KMT2C: variants seen among roughly 807,000 people sequenced by gnomAD.
The protein encoded by KMT2C is histone-lysine N-methyltransferase 2C.
KMT2C carries 88 observed loss-of-function variants against 507.9 expected under a neutral mutation model. The ratio of observed to expected loss-of-function variants is 0.17; its 90% CI spans 0.15 to 0.21. KMT2C has a LOEUF of 0.21. Ranked by LOEUF, KMT2C falls within the 10% of genes least tolerant of loss-of-function variation. KMT2C has a pLI of 1.00. For missense variants in KMT2C, 4,954 were observed against 5,957.8 expected, an observed-to-expected ratio of 0.83 and a Z score of 5.55; for synonymous variants, 2,049 against 2,080.8, an observed-to-expected ratio of 0.98 and a Z score of 0.42.
intron 15 of KMT2C, among the ~76,000 whole-genome samples, chr7:152,236,503 G>A (rs972739871): frequency 1.3e-5 from 2 of 152,110 alleles, no homozygotes; most frequent in African/African-American, 4.8e-5. Context: ...TGGCTGCAGC[G>A]TCCCGGGGTT....
chr7:152,355,925 C>T (rs191505566), intron 2 of KMT2C, among the ~76,000 whole-genome samples: 2 of 152,116 alleles, frequency 1.3e-5, no homozygotes, highest in East Asian at 1.9e-4. Flanking sequence ...TTCTGCAGCA[C>T]CCCCCTTATG....
Position 152,350,027 on chromosome 7 carries a change from G to A in KMT2C, c.250+8560C>T, listed in dbSNP as rs113014775. 9.9e-3 allele frequency among the ~76,000 whole-genome samples: 1,505 copies of A among 152,164 alleles called. 29 individuals carry two copies. Among genetic ancestry groups the A allele is most frequent in the African/African-American group, 0.034 (1,402 of 41,486 alleles). On this transcript the variant is annotated intron_variant, in intron 2 of 58. Transcript: ENST00000262189. ...AACACTTTGGGAAGCTGAGGTGGGC[G>A]GATCACCTGAGGTCAGGAGTTCAAG...
rs1587999549 is a variant in KMT2C at position 152,181,583 on chromosome 7, G to A, written c.6277C>T (p.Pro2093Ser). ...GGGGTAAGGGGAGGCTGACTATATG[G>A]ATCATTTGACTGATTATGAGAAAAA... Reference protein sequence around the residue: ...DNFSHNQSNDPYSQPPLTPHP... With the variant: ...DNFSHNQSNDSYSQPPLTPHP... The change falls in exon 36 of 59, where the codon CCA becomes TCA. Residue 2093 changes from proline (P) to serine (S), a missense_variant. Around this residue, in one of 29 missense-constraint regions of KMT2C, gnomAD observed 1,689 missense variants for 1,654.3 expected, o/e 1.02. Transcript: ENST00000262189. The A allele has an allele frequency of 6.2e-7, 1 of 1,614,030 alleles. No homozygotes were observed. The highest frequency in any genetic ancestry group is 8.5e-7 in the Non-Finnish European group (1 of 1,180,008).
intron 10 of KMT2C, 92 bp downstream of exon 10, chr7:152,252,454 A>AT (rs1256368244): frequency 2.9e-6 from 3 of 1,017,184 alleles, no homozygotes; most frequent in Non-Finnish European, 4.4e-6. Flanking sequence ...TGCTAGAGTG[A>AT]TAAAAACTTA....
chr7:152,163,129 A>G lies in KMT2C; in HGVS notation c.10448T>C (p.Leu3483Ser). The stretch of plus-strand genomic sequence containing the variant: ...TCCTTGTTGTATATTCTGCTGCTGT[A>G]AAACCTGCCCCATTTGCTGTTGGTG... ...PQHQQQMGQV[L>S]QQQNIQQGSI... is the part of the protein sequence containing the mutation. Residue 3483 changes from leucine (L) to serine (S), a missense_variant, in exon 43 of 59, where the codon TTA becomes TCA. This residue lies in a region of KMT2C where 801 missense variants were observed against 751.2 expected (regional missense o/e 1.07). Coordinates refer to ENST00000262189, the MANE Select transcript of KMT2C (RefSeq NM_170606.3). 2 of 1,614,232 alleles carry G rather than the reference A, an allele frequency of 1.2e-6. No individual in the cohort carries two copies. Among genetic ancestry groups the G allele is most frequent in the South Asian group, 1.1e-5 (1 of 91,084 alleles).
intron 10 of KMT2C, 119 bp from the exon 11 acceptor site, chr7:152,252,209 G>A: frequency 1.4e-6 from 1 of 716,490 alleles, no homozygotes; most frequent in Non-Finnish European, 2.2e-6. Flanking sequence ...AGAGGAGAGA[G>A]GTTAGAGGAG....
intron 1 of KMT2C, among the ~76,000 whole-genome samples, chr7:152,372,262 T>C (rs923118814): frequency 5.3e-5 from 8 of 152,182 alleles, no homozygotes; most frequent in Non-Finnish European, 1.2e-4. Flanking sequence ...TTCAAGCGAT[T>C]CACCTGCCTC....
intron 3 of KMT2C, among the ~76,000 whole-genome samples, chr7:152,318,842 C>T (rs1413028620): frequency 6.6e-6 from 1 of 152,108 alleles, no homozygotes; most frequent in East Asian, 1.9e-4. Flanking sequence ...AAAGATGTTA[C>T]ACACTAACAA....
rs757377638 is a variant in KMT2C at position 152,199,347 on chromosome 7, C to T, written c.4205G>A (p.Gly1402Asp). The T allele has an allele frequency of 3.1e-6, 5 of 1,604,622 alleles. No individual in the cohort carries two copies. Among genetic ancestry groups the T allele is most frequent in the Non-Finnish European group, 4.2e-6 (5 of 1,176,902 alleles). The change falls in exon 27 of 59, where the codon GGT becomes GAT. Residue 1402 changes from glycine to aspartate, a missense_variant. Transcript: ENST00000262189. ...QLLYKTNMNT[G>D]FLDPSLDPLL... ...TGGATCTAAGGAAGGATCCAAGAAA[C>T]CTGTGTTCATGTTTGTTTTATATAA...
chr7:152,195,892 A>G lies in KMT2C; in HGVS notation c.4378+15T>C. On this transcript the variant is annotated intron_variant, in intron 28 of 58. Coordinates refer to ENST00000262189, the MANE Select transcript of KMT2C (RefSeq NM_170606.3). ...ATCAGAAACCAGAAAAAGGGTAAAC[A>G]GTATTCATATATACCTGAATGATCA... 1 of 1,392,424 alleles carries G rather than the reference A, an allele frequency of 7.2e-7. No individual in the cohort carries two copies. The highest frequency in any genetic ancestry group is 1.2e-5 in the South Asian group (1 of 82,626). The allele number at this position is 1,392,424 out of a possible 1,614,324, so 86.3% of individuals were successfully genotyped here.
At chr7:152,387,703 C>T (rs2097444488) in intron 1 of KMT2C, among the ~76,000 whole-genome samples, 1 of 152,022 alleles carries the variant, frequency 6.6e-6, no homozygotes, top group Admixed American at 6.6e-5. Context: ...GATCTCCTGA[C>T]CTCGTGATCC....
At chr7:152,230,683 TGTAGCTA>T (rs762092926) in intron 16 of KMT2C, among the ~76,000 whole-genome samples, 19 of 152,250 alleles carry the variant, frequency 1.2e-4, no homozygotes, top group Non-Finnish European at 2.8e-4. Flanking sequence ...GGATCTGCAA[TGTAGCTA>T]GTCTGAACTG....
intron 2 of KMT2C, among the ~76,000 whole-genome samples, chr7:152,356,370 T>C (rs1040685283): frequency 6.6e-6 from 1 of 150,760 alleles, no homozygotes; most frequent in Non-Finnish European, 1.5e-5. Flanking sequence ...AGATCAGGAG[T>C]TCGAGGCCAG....
intron 12 of KMT2C, 45 bp from the exon 13 acceptor site, chr7:152,249,998 T>C: frequency 8.9e-7 from 1 of 1,127,946 alleles, no homozygotes; most frequent in Non-Finnish European, 1.3e-6. Context: ...TCAAAATTTC[T>C]GTAACACTGT....
chr7:152,167,365 A>G lies in KMT2C; in HGVS notation c.9531T>C (p.Arg3177=). Residue 3177 remains arginine, a synonymous_variant, in exon 42 of 59, where the codon CGT becomes CGC. Transcript: ENST00000262189. Reference sequence around the variant, plus strand: ...CCTGGAGCCACTCTTCATACTGCTTACGCTGTGAATCATCTGAGGAAAAAT... The same window carrying G: ...CCTGGAGCCACTCTTCATACTGCTTGCGCTGTGAATCATCTGAGGAAAAAT... ...FGPGFVNDSQ[R]KQYEEWLQET... is the part of the protein sequence containing the mutation. The G allele has an allele frequency of 6.2e-7, 1 of 1,608,034 alleles. No homozygotes were observed. Among genetic ancestry groups the G allele is most frequent in the Non-Finnish European group, 8.5e-7 (1 of 1,175,282 alleles).
chr7:152,158,829 T>A (rs2129101325), intron 44 of KMT2C, 34 bp downstream of exon 44: 1 of 1,603,906 alleles, frequency 6.2e-7, no homozygotes, highest in Non-Finnish European at 8.5e-7. Context: ...TCCTTGACTT[T>A]TAAAAGAGGC....
At chr7:152,324,999 T>C (rs2096813675) in intron 3 of KMT2C, among the ~76,000 whole-genome samples, 1 of 152,056 alleles carries the variant, frequency 6.6e-6, no homozygotes, top group Admixed American at 6.5e-5. Flanking sequence ...TCTTATTGCA[T>C]TGTTTTGCTT....
chr7:152,431,879 A>G (rs2097865385), intron 1 of KMT2C, among the ~76,000 whole-genome samples: 1 of 152,198 alleles, frequency 6.6e-6, no homozygotes, highest in Admixed American at 6.5e-5. Context: ...TCTCAACTAT[A>G]AACTTGTTTT....
intron 2 of KMT2C, 131 bp from the exon 3 acceptor site, chr7:152,330,870 G>C: frequency 3.6e-6 from 3 of 830,648 alleles, no homozygotes; most frequent in Non-Finnish European, 5.6e-6. Flanking sequence ...ACTAACACAA[G>C]AAAAGTTCAT....
Sources: allele counts gnomAD v4.1 joint callset (sites outside exome capture counted in the v4.1 genomes callset), GRCh38; gene constraint gnomAD v4.1.1; regional missense constraint gnomAD v4.1.1; transcripts MANE v1.5; gene names NCBI Gene and HGNC (gene_info 2026-07-23, HGNC 2026-07-21).